RPN2: variants seen among roughly 807,000 people sequenced by gnomAD.
The protein encoded by RPN2 is dolichyl-diphosphooligosaccharide--protein glycosyltransferase subunit 2.
In RPN2, 29 loss-of-function variants were observed where a neutral mutation model predicts 71.4. The ratio of observed to expected loss-of-function variants is 0.41; its 90% CI spans 0.30 to 0.55. The LOEUF (loss-of-function observed/expected upper bound fraction) is 0.55, where lower values mean the gene tolerates loss of function less well. Among genes scored for constraint, RPN2 ranks in the 20% least tolerant of loss-of-function variants. The pLI, the probability that RPN2 is intolerant of heterozygous loss-of-function variation, is 0.35. For synonymous variants in RPN2, 308 were observed against 305.0 expected (o/e 1.01, Z -0.10); for missense variants, 726 against 774.1 (o/e 0.94, Z 0.74).
chr20:37,179,850 CTA>C (rs1306017477), intron 1 of RPN2, among the ~76,000 whole-genome samples: 11 of 152,224 alleles, frequency 7.2e-5, no homozygotes, highest in African/African-American at 2.7e-4. Flanking sequence ...AAGTGACACT[CTA>C]GGTGCAAACT....
At position 37,184,323 on chromosome 20, in the gene RPN2, T is replaced by C. The variant is rs1361242331; in HGVS notation, c.157T>C (p.Tyr53His). 6.2e-7 allele frequency: 1 copy of C among 1,614,234 alleles called. No individual in the cohort carries two copies. The highest frequency in any genetic ancestry group is 1.1e-5 in the South Asian group (1 of 91,084). ...RPFTNLESAF[Y>H]SIVGLSSLGA... is the part of the protein sequence containing the mutation. ...TTTCACAAATTTGGAATCTGCCTTC[T>C]ACTCCATCGTGGGACTCAGCAGCCT... The change falls in exon 2 of 17, where the codon TAC (tyrosine) becomes CAC (histidine). Residue 53 changes from tyrosine (Y) to histidine (H), a missense_variant. Transcript: ENST00000237530.
Position 37,185,642 on chromosome 20 carries a change from G to A in RPN2, c.207+1269G>A, listed in dbSNP as rs565597285. Among the ~76,000 whole-genome samples, 62 of 151,236 alleles carry A rather than the reference G, an allele frequency of 4.1e-4. 1 individual carries two copies. In the South Asian group the frequency reaches 8.6e-3, roughly 21 times the overall value. Reference sequence around the variant, plus strand: ...CTTTATTTTATTTTATTTAAGAGAGGGTCTCACTGTGTTGCCCAGGCTGGA... The same window carrying A: ...CTTTATTTTATTTTATTTAAGAGAGAGTCTCACTGTGTTGCCCAGGCTGGA... On this transcript the variant is annotated intron_variant, in intron 2 of 16. Coordinates refer to ENST00000237530, the MANE Select transcript of RPN2 (RefSeq NM_002951.5).
chr20:37,179,584 G>A, intron 1 of RPN2: 1 of 1,257,252 alleles, frequency 8.0e-7, no homozygotes, highest in East Asian at 2.8e-5. Context: ...CTGGGGGAGG[G>A]GTGCAGCGCG....
chr20:37,211,278 A>G (rs888261013), intron 8 of RPN2, among the ~76,000 whole-genome samples: 2 of 149,914 alleles, frequency 1.3e-5, no homozygotes, highest in Non-Finnish European at 1.5e-5. Context: ...CAAGTGATCC[A>G]CCCACCTCGG....
intron 8 of RPN2, among the ~76,000 whole-genome samples, chr20:37,210,553 G>T (rs1263899986): frequency 7.0e-6 from 1 of 142,024 alleles, no homozygotes. Context: ...TTTTTGAGGC[G>T]GAGTTTTGCT....
At chr20:37,229,640 A>T (rs1226085810) in intron 12 of RPN2, among the ~76,000 whole-genome samples, 1 of 152,124 alleles carries the variant, frequency 6.6e-6, no homozygotes, top group Non-Finnish European at 1.5e-5. Context: ...TTCAAATGTG[A>T]CTAAATCACA....
intron 16 of RPN2, 127 bp from the exon 17 acceptor site, chr20:37,241,176 A>G: frequency 9.3e-7 from 1 of 1,070,522 alleles, no homozygotes; most frequent in Non-Finnish European, 1.4e-6. Context: ...GAGATAAATG[A>G]TTATTCCCTT....
Position 37,236,720 on chromosome 20 carries a change from A to T in RPN2, c.1883+11A>T. 1.2e-6 allele frequency: 2 copies of T among 1,613,880 alleles called. No homozygotes were observed. The highest frequency in any genetic ancestry group is 3.3e-5 in the Admixed American group (2 of 60,024). On this transcript the variant is annotated intron_variant, in intron 16 of 16. Transcript: ENST00000237530. ...GCAGGCAGTCAAGAGGTAAGGCCAG[A>T]CATGAGCCAGGGATCTAGAGTAGGG...
chr20:37,240,577 T>C (rs984651589), intron 16 of RPN2, among the ~76,000 whole-genome samples: 1 of 152,224 alleles, frequency 6.6e-6, no homozygotes, highest in African/African-American at 2.4e-5. Flanking sequence ...TGGAGCCTGC[T>C]GGGATCAGTT....
Position 37,228,727 on chromosome 20 carries a change from C to G in RPN2, c.1477C>G (p.Pro493Ala). 1.9e-6 allele frequency: 3 copies of G among 1,614,146 alleles called. No individual in the cohort carries two copies. Among genetic ancestry groups the G allele is most frequent in the Non-Finnish European group, 2.5e-6 (3 of 1,180,008 alleles). The change falls in exon 12 of 17, where the codon CCA becomes GCA. Residue 493 changes from proline (P) to alanine (A), a missense_variant. Pro to Ala is a conservative substitution (Grantham distance 27). Coordinates refer to ENST00000237530, the MANE Select transcript of RPN2 (RefSeq NM_002951.5). Reference protein sequence around the residue: ...LIIGDATLKNPILWNVADVVI... With the variant: ...LIIGDATLKNAILWNVADVVI... ...CATTGGAGATGCCACTTTGAAGAAC[C>G]CAATCCTCTGGAATGTGGTATGTGC...
In RPN2 at chr20:37,221,555, A is replaced by C. The variant is rs530968151; in HGVS notation, c.1093-2323A>C. Among the ~76,000 whole-genome samples, 18 of 152,226 alleles carry C rather than the reference A, an allele frequency of 1.2e-4. No homozygotes were observed. The South Asian group carries it at 3.7e-3, about 32-fold the overall frequency. On this transcript the variant is annotated intron_variant, in intron 9 of 16. Coordinates refer to ENST00000237530, the MANE Select transcript of RPN2 (RefSeq NM_002951.5). ...TAATAATATGCATGTATCTTTCTTTATTTAGCTAGTCTTCTGTTTATGGAC... is the reference window on the plus strand; with the variant it reads ...TAATAATATGCATGTATCTTTCTTTCTTTAGCTAGTCTTCTGTTTATGGAC...
At chr20:37,204,923 G>A (rs776355141) in intron 6 of RPN2, 22 bp downstream of exon 6, 16 of 1,613,988 alleles carry the variant, frequency 9.9e-6, no homozygotes, top group Admixed American at 8.3e-5. Context: ...ACAATTTTCA[G>A]GCATGAAACC....
At chr20:37,179,463 C>T (rs762364186) in intron 1 of RPN2, 94 bp downstream of exon 1, 4 of 1,439,130 alleles carry the variant, frequency 2.8e-6, no homozygotes, top group South Asian at 1.4e-5. Flanking sequence ...ATCCCCTTCC[C>T]CTGCGGGACA....
chr20:37,207,789 C>G (rs1026773912), intron 7 of RPN2, among the ~76,000 whole-genome samples: 1 of 152,104 alleles, frequency 6.6e-6, no homozygotes, highest in African/African-American at 2.4e-5. Flanking sequence ...TCAAGTGATT[C>G]TTGTGCCTCA....
chr20:37,195,772 C>G (rs2067243556), intron 2 of RPN2, among the ~76,000 whole-genome samples: 1 of 152,130 alleles, frequency 6.6e-6, no homozygotes, highest in Non-Finnish European at 1.5e-5. Context: ...TTGCATTCCC[C>G]TGCTTGGACT....
intron 8 of RPN2, among the ~76,000 whole-genome samples, chr20:37,213,316 A>T (rs961475999): frequency 6.6e-6 from 1 of 152,212 alleles, no homozygotes; most frequent in Admixed American, 6.5e-5. Context: ...TTTTCTCCAC[A>T]TGCCAATCTG....
At chr20:37,204,580 A>G (rs1179273789) in intron 5 of RPN2, among the ~76,000 whole-genome samples, 187 bp from the exon 6 acceptor site, 2 of 152,148 alleles carry the variant, frequency 1.3e-5, no homozygotes, top group East Asian at 1.9e-4. Context: ...GCTCTCCTCA[A>G]ATGTCTGTTT....
rs970135343 is a variant in RPN2, at chr20:37,213,607, A to C, written c.987-153A>C. Among the ~76,000 whole-genome samples, 5 of 152,136 alleles carry C rather than the reference A, an allele frequency of 3.3e-5. No individual in the cohort carries two copies. In the East Asian group the frequency reaches 7.7e-4, roughly 23 times the overall value. The stretch of plus-strand genomic sequence containing the variant: ...TGTCTCAAAATAAAAAAAAAATAAG[A>C]AGCACGAGATTGCCCAAGTGGGGTG... On this transcript the variant is annotated intron_variant, in intron 8 of 16. Coordinates refer to ENST00000237530, the MANE Select transcript of RPN2 (RefSeq NM_002951.5).
chr20:37,181,635 T>C (rs1237726862), intron 1 of RPN2, among the ~76,000 whole-genome samples: 1 of 152,184 alleles, frequency 6.6e-6, no homozygotes, highest in Admixed American at 6.5e-5. Context: ...GCCAGGTTTG[T>C]CTTGAACTCC....
Sources: gnomAD v4.1 joint callset for allele counts (sites outside exome capture counted in the v4.1 genomes callset) on GRCh38, gnomAD v4.1.1 for gene constraint, MANE v1.5 for transcripts, NCBI Gene and HGNC (gene_info 2026-07-23, HGNC 2026-07-21) for gene names.